Variants in PKNOX1 observed in about 807,000 individuals in gnomAD.
PKNOX1 encodes homeobox protein PKNOX1.
PKNOX1 carries 15 observed loss-of-function variants against 51.9 expected under a neutral mutation model. The ratio of observed to expected loss-of-function variants is 0.29; its 90% confidence interval spans 0.19 to 0.45. PKNOX1 has a LOEUF of 0.45. Among genes scored for constraint, PKNOX1 ranks in the 20% least tolerant of loss-of-function variants. PKNOX1 has a pLI of 1.00. For synonymous variants in PKNOX1, 219 were observed against 211.1 expected (o/e 1.04, Z -0.32); for missense variants, 462 against 547.5 (o/e 0.84, Z 1.56).
Position 43,024,906 on chromosome 21 carries a change from T to A in PKNOX1, c.885T>A (p.Ile295=). The A allele has an allele frequency of 6.2e-7, 1 of 1,613,074 alleles. No homozygotes were observed. The highest frequency in any genetic ancestry group is 8.5e-7 in the Non-Finnish European group (1 of 1,179,090). Residue 295 remains isoleucine (I), a synonymous_variant, in exon 9 of 11, where the codon ATT becomes ATA. Coordinates refer to ENST00000291547, the MANE Select transcript of PKNOX1 (RefSeq NM_004571.5). ...CAACAGAGGATGAGAAAAAACAGAT[T>A]GCTGCTCAGACAAATTTGACACTAC... ...PYPTEDEKKQ[I]AAQTNLTLLQ...
At chr21:42,988,843 G>C (rs929089852) in intron 1 of PKNOX1, among the ~76,000 whole-genome samples, 2 of 152,132 alleles carry the variant, frequency 1.3e-5, no homozygotes, top group African/African-American at 4.8e-5. Context: ...GGGACCCTGC[G>C]GGCTGGATGA....
chr21:42,979,469 G>A (rs1158809045), intron 1 of PKNOX1, among the ~76,000 whole-genome samples: 1 of 152,228 alleles, frequency 6.6e-6, no homozygotes, highest in Non-Finnish European at 1.5e-5. Flanking sequence ...ATAGCCAGGC[G>A]CAGTGGCTGA....
intron 10 of PKNOX1, 165 bp downstream of exon 10, chr21:43,029,039 T>A: frequency 1.5e-6 from 1 of 677,740 alleles, no homozygotes; most frequent in Non-Finnish European, 2.6e-6. Context: ...GCATTCTGCG[T>A]GCACGGGAGC....
intron 1 of PKNOX1, among the ~76,000 whole-genome samples, chr21:42,992,672 G>A (rs2059093134): frequency 6.6e-6 from 1 of 152,118 alleles, no homozygotes; most frequent in Non-Finnish European, 1.5e-5. Flanking sequence ...CACACGTGCA[G>A]ACTCCACAGG....
intron 3 of PKNOX1, among the ~76,000 whole-genome samples, chr21:43,009,515 T>G (rs1228807801): frequency 1.5e-5 from 2 of 136,626 alleles, no homozygotes; most frequent in African/African-American, 2.8e-5. Flanking sequence ...GGAGGCTGAG[T>G]AGGAGAATCG....
chr21:43,008,243 A>G (rs1354995521), intron 3 of PKNOX1, among the ~76,000 whole-genome samples: 1 of 152,364 alleles, frequency 6.6e-6, no homozygotes, highest in East Asian at 1.9e-4. Flanking sequence ...GCAAGTCTGC[A>G]TAGTCTCTTT....
chr21:43,023,806 A>G (rs1979870657), intron 8 of PKNOX1, among the ~76,000 whole-genome samples: 1 of 151,766 alleles, frequency 6.6e-6, no homozygotes, highest in Non-Finnish European at 1.5e-5. Flanking sequence ...AGTAGAGATA[A>G]GGTTTCACCG....
Position 43,032,337 on chromosome 21 carries a change from T to TCGTCCCTCACCACCCTCCGTCTCTA in PKNOX1, c.*2238_*2239insTCCCTCACCACCCTCCGTCTCTACG. The stretch of plus-strand genomic sequence containing the variant: ...CCTTCCCTCACCACCCTCCGTCTCT[T>TCGTCCCTCACCACCCTCCGTCTCTA]CGGCTGCTTGCTCTTTAGTGTAGAT... On this transcript the variant is annotated 3_prime_UTR_variant, in exon 11 of 11. Coordinates refer to ENST00000291547, the MANE Select transcript of PKNOX1 (RefSeq NM_004571.5). The TCGTCCCTCACCACCCTCCGTCTCTA allele has an allele frequency of 2.5e-6, 1 of 397,932 alleles. No individual in the cohort carries two copies. Among genetic ancestry groups the TCGTCCCTCACCACCCTCCGTCTCTA allele is most frequent in the Non-Finnish European group, 5.1e-6 (1 of 195,650 alleles). The allele number at this position is 397,932 out of a possible 1,614,324, so 24.7% of individuals were successfully genotyped here. A position where few individuals can be genotyped will look rare whatever the true frequency, so the allele number is the denominator to read the frequency against.
chr21:43,016,973 G>T lies in PKNOX1; in HGVS notation c.588G>T (p.Leu196=). 1 of 1,612,884 alleles carries T rather than the reference G, an allele frequency of 6.2e-7. No homozygotes were observed. Residue 196 remains leucine, a synonymous_variant, in exon 6 of 11, where the codon CTG becomes CTT. Transcript: ENST00000291547. ...PQGIVVPASA[L]QQGNVAMATV... The stretch of plus-strand genomic sequence containing the variant: ...GAATTGTGGTGCCGGCGTCCGCGCT[G>T]CAGCAGGGAAACGTAGCCATGGCGA...
In PKNOX1 at chr21:43,032,149, C is replaced by T. The variant is rs752682592; in HGVS notation, c.*2048C>T. 2.9e-5 allele frequency: 13 copies of T among 455,984 alleles called. No individual in the cohort carries two copies. The highest frequency in any genetic ancestry group is 8.0e-5 in the African/African-American group (4 of 50,054). 28.2% of individuals were successfully genotyped at this position (455,984 alleles called of 1,614,324 possible). ...TGCTGGGATTACAGGTGTGAGCCAC[C>T]GCGCCCGGCCGAGAATGACATCTTA... On this transcript the variant is annotated 3_prime_UTR_variant, in exon 11 of 11. Coordinates refer to ENST00000291547, the MANE Select transcript of PKNOX1 (RefSeq NM_004571.5).
chr21:42,989,427 A>AT (rs1278577890), intron 1 of PKNOX1, among the ~76,000 whole-genome samples: 5 of 151,106 alleles, frequency 3.3e-5, no homozygotes, highest in Non-Finnish European at 5.9e-5. Flanking sequence ...TCAATTTTTT[A>AT]TTTTTTTTGA....
At chr21:43,006,649 T>TGGGC (rs1182103568) in intron 2 of PKNOX1, among the ~76,000 whole-genome samples, 2 of 152,154 alleles carry the variant, frequency 1.3e-5, no homozygotes, top group East Asian at 3.8e-4. Flanking sequence ...CCTGTGCGGG[T>TGGGC]GGGCGTTCAT....
At chr21:42,977,403 A>G (rs560017429) in intron 1 of PKNOX1, among the ~76,000 whole-genome samples, 25 of 152,246 alleles carry the variant, frequency 1.6e-4, no homozygotes, top group African/African-American at 5.1e-4. Context: ...GCCTTCATCA[A>G]TGATCTTAGC....
intron 10 of PKNOX1, 130 bp downstream of exon 10, chr21:43,029,004 T>C (rs1169795753): frequency 2.3e-6 from 2 of 864,644 alleles, no homozygotes; most frequent in African/African-American, 3.3e-5. Context: ...GTTCTCTTTC[T>C]CTGCAACTAA....
Position 43,033,916 on chromosome 21 carries a change from T to G in PKNOX1, c.*3815T>G, listed in dbSNP as rs1489095229. The G allele has an allele frequency of 6.6e-6, 1 of 152,234 alleles. No homozygotes were observed. Among genetic ancestry groups the G allele is most frequent in the African/African-American group, 2.4e-5 (1 of 41,466 alleles). The allele number at this position is 152,234 out of a possible 1,614,324, so 9.4% of individuals were successfully genotyped here. A position where few individuals can be genotyped will look rare whatever the true frequency, so the allele number is the denominator to read the frequency against. On this transcript the variant is annotated 3_prime_UTR_variant, in exon 11 of 11. Transcript: ENST00000291547. ...TTCATCAGTAAGCTAACATAATCCCTTTCATAGTTCATATTATAAATTTTC... is the reference window on the plus strand; with the variant it reads ...TTCATCAGTAAGCTAACATAATCCCGTTCATAGTTCATATTATAAATTTTC...
chr21:43,010,206 T>C lies in PKNOX1; in HGVS notation c.333T>C (p.Asp111=). The C allele has an allele frequency of 6.4e-7, 1 of 1,551,350 alleles. No individual in the cohort carries two copies. Among genetic ancestry groups the C allele is most frequent in the Non-Finnish European group, 8.7e-7 (1 of 1,144,714 alleles). ...AAGGGAAACCTTTCTTTTGTGAAGA[T>C]CCAGAAACTGATAATTTAGTAAGTA... ...EKEGKPFFCE[D]PETDNLMVKA... The change falls in exon 4 of 11, where the codon GAT becomes GAC. Residue 111 remains aspartate, a synonymous_variant. Coordinates refer to ENST00000291547, the MANE Select transcript of PKNOX1 (RefSeq NM_004571.5).
intron 1 of PKNOX1, among the ~76,000 whole-genome samples, chr21:42,997,748 T>C (rs758452099): frequency 5.3e-5 from 8 of 152,242 alleles, no homozygotes; most frequent in Non-Finnish European, 8.8e-5. Context: ...GAGAAGGTGA[T>C]GTGGGCGATG....
intron 1 of PKNOX1, among the ~76,000 whole-genome samples, chr21:42,975,228 G>A (rs1159099306): frequency 1.7e-4 from 25 of 149,434 alleles, no homozygotes; most frequent in African/African-American, 5.1e-4. Flanking sequence ...GCGCAGGCGG[G>A]AAGATGGCGG....
chr21:43,008,017 T>C (rs992348964), intron 3 of PKNOX1, among the ~76,000 whole-genome samples: 2 of 150,604 alleles, frequency 1.3e-5, no homozygotes, highest in African/African-American at 2.5e-5. Flanking sequence ...TGAGCTGATA[T>C]CGCACCACTG....
Sources: allele counts gnomAD v4.1 joint callset (sites outside exome capture counted in the v4.1 genomes callset), GRCh38; gene constraint gnomAD v4.1.1; transcripts MANE v1.5; gene names NCBI Gene and HGNC (gene_info 2026-07-23, HGNC 2026-07-21).